Variants in TCP11L1 observed in about 807,000 individuals in gnomAD.
TCP11L1 encodes t-complex 11 like 1.
Under a neutral mutation model 48.9 loss-of-function variants are expected in TCP11L1, and 28 were observed. The ratio of observed to expected loss-of-function variants is 0.57; its 90% CI spans 0.42 to 0.78. The LOEUF (loss-of-function observed/expected upper bound fraction) is 0.78. Ranked by LOEUF, TCP11L1 falls within the 30% of genes least tolerant of loss-of-function variation. TCP11L1 has a pLI of 0.00. For missense variants in TCP11L1, 505 were observed against 613.4 expected, an observed-to-expected ratio of 0.82 and a Z score of 1.87; for synonymous variants, 204 against 231.9, an observed-to-expected ratio of 0.88 and a Z score of 1.09.
At chr11:33,066,119 A>G in intron 8 of TCP11L1, 108 bp downstream of exon 8, 1 of 1,389,554 alleles carries the variant, frequency 7.2e-7, no homozygotes, top group Non-Finnish European at 9.9e-7. Context: ...GCCACTCTCT[A>G]GGAACTGAGA....
rs984654775 is a variant in TCP11L1, at chr11:33,044,155, G to A, written c.163+219G>A. The A allele has an allele frequency of 5.7e-5, 24 of 423,426 alleles. 1 individual carries two copies. The South Asian group carries it at 1.1e-3, about 20-fold the overall frequency. 26.2% of individuals were successfully genotyped at this position (423,426 alleles called of 1,614,324 possible). On this transcript the variant is annotated intron_variant, in intron 2 of 9. Coordinates refer to ENST00000334274, the MANE Select transcript of TCP11L1 (RefSeq NM_018393.4). ...AACAATTTAGAATAATGTCCAGAAC[G>A]TTCCTGTCTTTCTCCAGCCTCAGTG...
chr11:33,061,740 G>C lies in TCP11L1; in HGVS notation c.972+14G>C, dbSNP rs775824491. The C allele has an allele frequency of 1.3e-6, 2 of 1,580,442 alleles. No homozygotes were observed. The highest frequency in any genetic ancestry group is 1.7e-6 in the Non-Finnish European group (2 of 1,160,690). On this transcript the variant is annotated intron_variant, in intron 7 of 9. Transcript: ENST00000334274. The stretch of plus-strand genomic sequence containing the variant: ...CCGTTCCCCGAAGTAGGTCTCCTGA[G>C]CCATCTCACTACTCATATTTGTTTT...
chr11:33,063,566 T>C (rs980421237), intron 7 of TCP11L1, among the ~76,000 whole-genome samples: 2 of 152,244 alleles, frequency 1.3e-5, no homozygotes, highest in Non-Finnish European at 2.9e-5. Context: ...CCTTCCATGC[T>C]GAACAATATT....
At chr11:33,063,876 T>C (rs1854535545) in intron 7 of TCP11L1, among the ~76,000 whole-genome samples, 1 of 152,216 alleles carries the variant, frequency 6.6e-6, no homozygotes, top group African/African-American at 2.4e-5. Flanking sequence ...GAATGTCAAA[T>C]TGGAGATGGG....
intron 4 of TCP11L1, 26 bp downstream of exon 4, chr11:33,057,261 C>T: frequency 6.2e-7 from 1 of 1,613,998 alleles, no homozygotes; most frequent in Non-Finnish European, 8.5e-7. Context: ...AATTGTGATG[C>T]TTTTCTGGTG....
intron 3 of TCP11L1, among the ~76,000 whole-genome samples, chr11:33,056,067 C>T (rs1163540658): frequency 2.0e-5 from 3 of 152,174 alleles, no homozygotes; most frequent in African/African-American, 7.2e-5. Flanking sequence ...CTATCTGCCT[C>T]AGCCTCCCAA....
chr11:33,067,942 T>C (rs1464574659), intron 8 of TCP11L1, among the ~76,000 whole-genome samples: 1 of 152,040 alleles, frequency 6.6e-6, no homozygotes, highest in Non-Finnish European at 1.5e-5. Flanking sequence ...TTTTATTTTT[T>C]TGTGATGGAG....
At chr11:33,040,304 C>A (rs1208286906) in intron 1 of TCP11L1, 1 of 152,146 alleles carries the variant, frequency 6.6e-6, no homozygotes, top group East Asian at 1.9e-4. Context: ...GTGGCCGCAT[C>A]CTAGAGCCCT....
intron 9 of TCP11L1, among the ~76,000 whole-genome samples, chr11:33,069,948 G>A (rs1215444577): frequency 6.6e-6 from 1 of 152,124 alleles, no homozygotes. Flanking sequence ...GCAGGAAAGT[G>A]CCTGTAAGTA....
Position 33,068,752 on chromosome 11 carries a change from GCCTCTCCCTGTGTGGGT to G in TCP11L1, c.1230_1246del (p.Cys411HisfsTer20). 6.2e-7 allele frequency: 1 copy of G among 1,614,154 alleles called. No individual in the cohort carries two copies. Among genetic ancestry groups the G allele is most frequent in the Non-Finnish European group, 8.5e-7 (1 of 1,180,024 alleles). ...AAGGTGTGCCTGGAGGTGAGCAGCT[GCCTCTCCCTGTGTGGGT>G]CCTCTCCCTTCACCACGGACAAGGA... On this transcript the variant is annotated frameshift_variant, in exon 9 of 10. Transcript: ENST00000334274. LOFTEE classifies it high-confidence loss of function.
In TCP11L1 at chr11:33,073,249, C is replaced by G. The variant is rs1248222509; in HGVS notation, c.*573C>G. The G allele has an allele frequency of 6.6e-6, 1 of 152,348 alleles. No homozygotes were observed. Among genetic ancestry groups the G allele is most frequent in the African/African-American group, 2.4e-5 (1 of 41,394 alleles). 9.4% of individuals were successfully genotyped at this position (152,348 alleles called of 1,614,324 possible). On this transcript the variant is annotated 3_prime_UTR_variant, in exon 10 of 10. Transcript: ENST00000334274. ...TTCTAGAGGAGAGTTATTTGTCTCT[C>G]TCTCTTTTTTTTTTTACTTTCTTTT...
chr11:33,054,465 G>A (rs932377130), intron 2 of TCP11L1, 128 bp from the exon 3 acceptor site: 3 of 1,130,394 alleles, frequency 2.7e-6, no homozygotes, highest in African/African-American at 3.2e-5. Context: ...GTTTGAAAAT[G>A]CCAGAACAAA....
intron 2 of TCP11L1, among the ~76,000 whole-genome samples, chr11:33,049,680 G>A (rs185540390): frequency 6.6e-6 from 1 of 152,274 alleles, no homozygotes; most frequent in East Asian, 1.9e-4. Flanking sequence ...CAGTATTGCC[G>A]CTAGCACCTC....
chr11:33,059,829 A>G (rs7125873), intron 6 of TCP11L1, among the ~76,000 whole-genome samples: 107,302 of 152,090 alleles, frequency 0.71, 38,040 homozygotes, highest in East Asian at 0.87. Context: ...AGTCTGAGGT[A>G]GTGCTGGGGC....
At chr11:33,062,926 G>C (rs1253060591) in intron 7 of TCP11L1, among the ~76,000 whole-genome samples, 2 of 152,128 alleles carry the variant, frequency 1.3e-5, no homozygotes, top group African/African-American at 2.4e-5. Flanking sequence ...TAGGTGGTAC[G>C]ACAGCTCACT....
chr11:33,040,355 A>G (rs1853794809), intron 1 of TCP11L1: 3 of 152,190 alleles, frequency 2.0e-5, no homozygotes, highest in Non-Finnish European at 4.4e-5. Flanking sequence ...GCCGTGCACA[A>G]TCCCTCGTTT....
chr11:33,070,319 G>A (rs1854744434), intron 9 of TCP11L1, among the ~76,000 whole-genome samples: 1 of 151,850 alleles, frequency 6.6e-6, no homozygotes. Flanking sequence ...CCAGTCTTTG[G>A]GTAGGAACAA....
intron 2 of TCP11L1, 21 bp downstream of exon 2, chr11:33,043,957 T>C: frequency 6.3e-7 from 1 of 1,578,136 alleles, no homozygotes; most frequent in South Asian, 1.2e-5. Context: ...TTGACTTTGG[T>C]TAGATGCAAT....
chr11:33,072,554 A>C lies in TCP11L1; in HGVS notation c.1408A>C (p.Ser470Arg). ...ATTGCCCACAGTCCCTGGGGGACTC[A>C]GTCCAGTTCAGAGAGAGCTGGAGGA... ...KPLPTVPGGL[S>R]PVQRELEEVA... The change falls in exon 10 of 10, where the codon AGT (serine) becomes CGT (arginine). Residue 470 changes from serine (S) to arginine (R), a missense_variant. By Grantham distance (110) the Ser-to-Arg change is moderately radical (BLOSUM62 -1). Transcript: ENST00000334274. 1.9e-6 allele frequency: 3 copies of C among 1,614,164 alleles called. No individual in the cohort carries two copies. The highest frequency in any genetic ancestry group is 2.5e-6 in the Non-Finnish European group (3 of 1,180,028).
Sources: gnomAD v4.1 joint callset for allele counts (sites outside exome capture counted in the v4.1 genomes callset) on GRCh38, gnomAD v4.1.1 for gene constraint, MANE v1.5 for transcripts, NCBI Gene and HGNC (gene_info 2026-07-23, HGNC 2026-07-21) for gene names.